The following MAN1A2 variants were observed in gnomAD, a reference collection of about 807,000 sequenced individuals.
MAN1A2 encodes the protein mannosyl-oligosaccharide 1,2-alpha-mannosidase IB.
MAN1A2 carries 26 observed loss-of-function variants against 75.7 expected under a neutral mutation model. The ratio of observed to expected loss-of-function variants is 0.34; its 90% CI spans 0.25 to 0.48. MAN1A2 has a LOEUF of 0.48. Among genes scored for constraint, MAN1A2 ranks in the 20% least tolerant of loss-of-function variants. MAN1A2 has a pLI of 0.99. For missense variants in MAN1A2, 562 were observed against 775.5 expected (o/e 0.72, Z 3.27); for synonymous variants, 247 against 264.6 (o/e 0.93, Z 0.65).
At chr1:117,469,374 G>A (rs2211131) in intron 8 of MAN1A2, among the ~76,000 whole-genome samples, 40,441 of 151,806 alleles carry the variant, frequency 0.27, 5,916 homozygotes, top group East Asian at 0.47. Context: ...AAACATAGGG[G>A]AAAATCTTCG....
At chr1:117,512,750 T>TACACACAC (rs3050979) in intron 12 of MAN1A2, among the ~76,000 whole-genome samples, 35,978 of 143,596 alleles carry the variant, frequency 0.25, 4,904 homozygotes, top group Non-Finnish European at 0.3. Context: ...GGCACTGGGA[T>TACACACAC]ACACACACAC....
At chr1:117,505,759 A>T (rs1438797267) in intron 12 of MAN1A2, among the ~76,000 whole-genome samples, 1 of 151,224 alleles carries the variant, frequency 6.6e-6, no homozygotes, top group African/African-American at 2.4e-5. Context: ...ACTTTGACAA[A>T]TGAGACAGAA....
At chr1:117,428,091 ATCTCTCTCTC>A (rs35953056) in intron 5 of MAN1A2, among the ~76,000 whole-genome samples, 1 of 146,792 alleles carries the variant, frequency 6.8e-6, no homozygotes, top group African/African-American at 2.5e-5. Context: ...TAAACTGTAA[ATCTCTCTCTC>A]TCTCTCTCTC....
chr1:117,470,227 T>C (rs1650104756), intron 8 of MAN1A2, among the ~76,000 whole-genome samples: 1 of 152,052 alleles, frequency 6.6e-6, no homozygotes, highest in Non-Finnish European at 1.5e-5. Context: ...GGACAAATAT[T>C]GTATGATTCC....
chr1:117,461,348 A>G (rs1048521855), intron 7 of MAN1A2, among the ~76,000 whole-genome samples: 2 of 152,160 alleles, frequency 1.3e-5, no homozygotes, highest in African/African-American at 4.8e-5. Flanking sequence ...GAGCTAAAAT[A>G]AATTGATCTC....
intron 4 of MAN1A2, among the ~76,000 whole-genome samples, chr1:117,418,798 G>C (rs1648095764): frequency 6.6e-6 from 1 of 152,088 alleles, no homozygotes; most frequent in Non-Finnish European, 1.5e-5. Context: ...TGTAGTGAAG[G>C]AAGATTGTTT....
chr1:117,506,262 T>C (rs545865496), intron 12 of MAN1A2, among the ~76,000 whole-genome samples: 140 of 151,658 alleles, frequency 9.2e-4, no homozygotes, highest in African/African-American at 3.3e-3. Context: ...CAACAATCAA[T>C]GTGTTTTAGC....
chr1:117,397,775 C>T (rs575574047), intron 1 of MAN1A2, among the ~76,000 whole-genome samples: 3 of 151,668 alleles, frequency 2.0e-5, no homozygotes, highest in East Asian at 3.9e-4. Context: ...CCTCAGCCTC[C>T]TGAGTAGCTG....
intron 5 of MAN1A2, among the ~76,000 whole-genome samples, chr1:117,439,025 G>A (rs1178324036): frequency 6.6e-6 from 1 of 152,222 alleles, no homozygotes; most frequent in Non-Finnish European, 1.5e-5. Context: ...TTTGTGTGAA[G>A]ACCTGAAGGA....
intron 5 of MAN1A2, among the ~76,000 whole-genome samples, chr1:117,427,422 T>C (rs560961649): frequency 2.5e-4 from 38 of 152,324 alleles, no homozygotes; most frequent in Non-Finnish European, 4.0e-4. Flanking sequence ...AACTTGTAGA[T>C]AGATCAATGT....
intron 5 of MAN1A2, among the ~76,000 whole-genome samples, chr1:117,429,370 T>A (rs1648496345): frequency 7.4e-6 from 1 of 135,456 alleles, no homozygotes; most frequent in Non-Finnish European, 1.6e-5. Context: ...CACTTCCCAG[T>A]AGGGGCGGCC....
chr1:117,441,339 TAGA>T (rs1367142846), intron 5 of MAN1A2, among the ~76,000 whole-genome samples: 1 of 152,184 alleles, frequency 6.6e-6, no homozygotes. Context: ...ATTATATTAT[TAGA>T]AGAATCTAAT....
chr1:117,465,261 TAAGG>T (rs1485314267), intron 7 of MAN1A2, among the ~76,000 whole-genome samples: 3 of 152,070 alleles, frequency 2.0e-5, no homozygotes, highest in African/African-American at 2.4e-5. Flanking sequence ...AAATGATAGA[TAAGG>T]AAGAAAAAGA....
At chr1:117,383,437 C>T (rs774114258) in intron 1 of MAN1A2, among the ~76,000 whole-genome samples, 1 of 152,106 alleles carries the variant, frequency 6.6e-6, no homozygotes, top group Non-Finnish European at 1.5e-5. Flanking sequence ...ATGTCTTTGG[C>T]TAGCTTTGGT....
chr1:117,406,419 A>G (rs1647616387), intron 3 of MAN1A2, among the ~76,000 whole-genome samples: 1 of 152,160 alleles, frequency 6.6e-6, no homozygotes, highest in South Asian at 2.1e-4. Context: ...GTTATATGCA[A>G]TCTGATTTTA....
intron 5 of MAN1A2, among the ~76,000 whole-genome samples, chr1:117,437,920 A>G (rs1648896619): frequency 6.6e-6 from 1 of 152,200 alleles, no homozygotes. Flanking sequence ...GTCTTAATTT[A>G]TTCAACACTT....
chr1:117,460,195 T>C (rs1649772394), intron 6 of MAN1A2, among the ~76,000 whole-genome samples: 1 of 152,134 alleles, frequency 6.6e-6, no homozygotes, highest in Non-Finnish European at 1.5e-5. Flanking sequence ...GCATAAAACA[T>C]TCTGTAGTAA....
chr1:117,429,850 C>T (rs1202994046), intron 5 of MAN1A2, among the ~76,000 whole-genome samples: 38 of 65,378 alleles, frequency 5.8e-4, no homozygotes, highest in African/African-American at 2.0e-3. Context: ...GCTGGCCGGG[C>T]GGGGGGCCGA....
intron 12 of MAN1A2, among the ~76,000 whole-genome samples, chr1:117,513,347 A>C (rs1265075657): frequency 1.3e-5 from 2 of 152,096 alleles, no homozygotes; most frequent in African/African-American, 4.8e-5. Flanking sequence ...CACCACAATA[A>C]CGTTTATGTT....
Sources: gnomAD v4.1 joint callset for allele counts (sites outside exome capture counted in the v4.1 genomes callset) on GRCh38, gnomAD v4.1.1 for gene constraint, MANE v1.5 for transcripts, NCBI Gene and HGNC (gene_info 2026-07-23, HGNC 2026-07-21) for gene names.